Variants in NRG1 observed in about 807,000 individuals in gnomAD.
NRG1 encodes neuregulin 1.
Under a neutral mutation model 63.8 loss-of-function variants are expected in NRG1, and 18 were observed. The ratio of observed to expected loss-of-function variants is 0.28; its 90% CI spans 0.19 to 0.42. The LOEUF (loss-of-function observed/expected upper bound fraction) is 0.42, where lower values mean the gene tolerates loss of function less well. Among genes scored for constraint, NRG1 ranks in the 10% least tolerant of loss-of-function variants. NRG1 has a pLI of 1.00. For synonymous variants in NRG1, 302 were observed against 301.3 expected, an observed-to-expected ratio of 1.00 and a Z score of -0.02; for missense variants, 762 against 814.7, an observed-to-expected ratio of 0.94 and a Z score of 0.79.
intron 1 of NRG1, among the ~76,000 whole-genome samples, chr8:32,337,653 C>CGAAAAAAAAA (rs1803452831): frequency 8.1e-5 from 2 of 24,704 alleles, no homozygotes; most frequent in African/African-American, 2.9e-4. Context: ...AGAGTTATTG[C>CGAAAAAAAAA]AAAAAAAAAA....
intron 1 of NRG1, among the ~76,000 whole-genome samples, chr8:32,446,368 T>G (rs1342261867): frequency 1.3e-5 from 2 of 152,110 alleles, no homozygotes; most frequent in Non-Finnish European, 2.9e-5. Flanking sequence ...AAAGACTAAT[T>G]TCTTGACTAG....
chr8:32,706,222 C>T (rs1589316496), intron 5 of NRG1, among the ~76,000 whole-genome samples: 1 of 152,176 alleles, frequency 6.6e-6, no homozygotes, highest in South Asian at 2.1e-4. Context: ...GTGGAGAAGC[C>T]CCTTTTGGAT....
chr8:32,068,593 C>T (rs1000103603), intron 1 of NRG1, among the ~76,000 whole-genome samples: 2 of 152,128 alleles, frequency 1.3e-5, no homozygotes, highest in African/African-American at 2.4e-5. Context: ...TAGAGGGTTT[C>T]TTCGAGAGCC....
chr8:32,179,836 A>C (rs2132093042), intron 1 of NRG1, among the ~76,000 whole-genome samples: 1 of 152,108 alleles, frequency 6.6e-6, no homozygotes, highest in African/African-American at 2.4e-5. Flanking sequence ...TATAGTATTT[A>C]GTTTCTACTT....
intron 1 of NRG1, among the ~76,000 whole-genome samples, chr8:31,861,804 T>C (rs1828500432): frequency 6.6e-6 from 1 of 152,206 alleles, no homozygotes; most frequent in African/African-American, 2.4e-5. Context: ...CATGATCCAG[T>C]AATGTCATCT....
At chr8:32,061,752 A>G (rs1400710993) in intron 1 of NRG1, 1 of 152,018 alleles carries the variant, frequency 6.6e-6, no homozygotes, top group Non-Finnish European at 1.5e-5. Flanking sequence ...GGAAGGAGGC[A>G]TAGTAGGAAG....
At chr8:32,666,181 C>T (rs541473595) in intron 5 of NRG1, among the ~76,000 whole-genome samples, 2 of 152,130 alleles carry the variant, frequency 1.3e-5, no homozygotes, top group Non-Finnish European at 2.9e-5. Flanking sequence ...TTTTGTTCTG[C>T]TTACTTCTTC....
intron 1 of NRG1, among the ~76,000 whole-genome samples, chr8:32,421,457 A>G (rs1357079095): frequency 1.3e-5 from 2 of 152,190 alleles, no homozygotes; most frequent in Non-Finnish European, 2.9e-5. Flanking sequence ...CTGGGCAGCT[A>G]GAGCTCACAG....
intron 5 of NRG1, among the ~76,000 whole-genome samples, chr8:32,702,706 C>CT (rs1815269579): frequency 6.6e-6 from 1 of 152,140 alleles, no homozygotes; most frequent in South Asian, 2.1e-4. Flanking sequence ...AGGCTGGTCT[C>CT]TAATTCCTGA....
At chr8:32,353,447 A>G (rs2129479971) in intron 1 of NRG1, among the ~76,000 whole-genome samples, 1 of 152,146 alleles carries the variant, frequency 6.6e-6, no homozygotes, top group East Asian at 1.9e-4. Flanking sequence ...ATGAAACATT[A>G]TATTTTAATG....
At position 31,727,653 on chromosome 8, in the gene NRG1, C is replaced by A. The variant is rs74536914; in HGVS notation, c.37+88222C>A. Among the ~76,000 whole-genome samples the A allele has an allele frequency of 6.5e-3, 995 of 152,244 alleles. 7 individuals are homozygous for A. The highest frequency in any genetic ancestry group is 0.01 in the Non-Finnish European group (692 of 68,020). On this transcript the variant is annotated intron_variant, in intron 1 of 10. Coordinates refer to the NRG1 transcript ENST00000519301. ...CCTCTATAAAATGTATCACTGGCCA[C>A]GTTCAGTAGCCCTCCATTACTGAAT...
At chr8:32,406,135 T>G (rs972921275) in intron 1 of NRG1, among the ~76,000 whole-genome samples, 4 of 152,188 alleles carry the variant, frequency 2.6e-5, no homozygotes, top group Non-Finnish European at 5.9e-5. Context: ...CCATGTTCAT[T>G]CCTTCTTTGT....
chr8:32,528,037 T>C (rs1473191544), intron 1 of NRG1, among the ~76,000 whole-genome samples: 3 of 152,144 alleles, frequency 2.0e-5, no homozygotes, highest in African/African-American at 7.2e-5. Context: ...TCCAGGATGT[T>C]TATATTTGCA....
At position 31,727,743 on chromosome 8, in the gene NRG1, A is replaced by G. The variant is rs376256618; in HGVS notation, c.37+88312A>G. On this transcript the variant is annotated intron_variant, in intron 1 of 10. Coordinates refer to the NRG1 transcript ENST00000519301. Reference sequence around the variant, plus strand: ...CTGCACCTGGTACCAAGTCCTACATATATTGTCTTTTTTTTATATGTACAT... The same window carrying G: ...CTGCACCTGGTACCAAGTCCTACATGTATTGTCTTTTTTTTATATGTACAT... Among the ~76,000 whole-genome samples, 4 of 152,292 alleles carry G rather than the reference A, an allele frequency of 2.6e-5. No homozygotes were observed. In the East Asian group the frequency reaches 7.7e-4, roughly 29 times the overall value.
intron 1 of NRG1, among the ~76,000 whole-genome samples, chr8:32,280,680 G>GTTTTTTTTTTTTTTTTTTTTTTTTTT (rs1235833561): frequency 1.9e-5 from 1 of 53,722 alleles, no homozygotes; most frequent in Non-Finnish European, 3.5e-5. Context: ...ACTGAATTAG[G>GTTTTTTTTTTTTTTTTTTTTTTTTTT]TTTTTTTTTT....
chr8:31,710,225 A>G (rs1484355127), intron 1 of NRG1, among the ~76,000 whole-genome samples: 2 of 151,660 alleles, frequency 1.3e-5, no homozygotes, highest in Non-Finnish European at 3.0e-5. Context: ...AGTTTTATCA[A>G]TTTCTATATT....
rs546660720 is a variant in NRG1, at chr8:32,368,977, C to A, written c.38-226851C>A. ...AACATGCATGTACACCTACTGCATGCATATGTGTATGATACATGTGCAAAC... is the reference window on the plus strand; with the variant it reads ...AACATGCATGTACACCTACTGCATGAATATGTGTATGATACATGTGCAAAC... On this transcript the variant is annotated intron_variant, in intron 1 of 10. Transcript: ENST00000519301. Among the ~76,000 whole-genome samples, 13 of 152,344 alleles carry A rather than the reference C, an allele frequency of 8.5e-5. No individual in the cohort carries two copies. The South Asian group carries it at 2.7e-3, about 32-fold the overall frequency.
intron 1 of NRG1, among the ~76,000 whole-genome samples, chr8:32,162,776 G>A (rs1838978916): frequency 6.6e-6 from 1 of 152,038 alleles, no homozygotes; most frequent in Non-Finnish European, 1.5e-5. Flanking sequence ...CTGTTTTCTT[G>A]TGGATTATAA....
Position 32,711,469 on chromosome 8 carries a change from A to G in NRG1, c.503-16480A>G, listed in dbSNP as rs969857971. On this transcript the variant is annotated intron_variant, in intron 5 of 11. Transcript: ENST00000356819. Reference sequence around the variant, plus strand: ...GAGAAGCAAAAGACATAACTTTACAATGCCTAGCTAACATTATCAATGCCA... The same window carrying G: ...GAGAAGCAAAAGACATAACTTTACAGTGCCTAGCTAACATTATCAATGCCA... Among the ~76,000 whole-genome samples, 3 of 152,142 alleles carry G rather than the reference A, an allele frequency of 2.0e-5. No individual in the cohort carries two copies. The East Asian group carries it at 5.8e-4, about 29-fold the overall frequency.
Sources: allele counts gnomAD v4.1 joint callset (sites outside exome capture counted in the v4.1 genomes callset), GRCh38; gene constraint gnomAD v4.1.1; transcripts MANE v1.5; gene names NCBI Gene and HGNC (gene_info 2026-07-23, HGNC 2026-07-21).